The following FAM168A variants were observed in gnomAD, a reference collection of about 807,000 sequenced individuals.
FAM168A encodes the protein protein FAM168A.
In FAM168A, 3 loss-of-function variants were observed where a neutral mutation model predicts 28.5. The observed-to-expected ratio is 0.11, with a 90% CI of 0.05 to 0.27. The LOEUF (loss-of-function observed/expected upper bound fraction) is 0.27. FAM168A is among the 10% of genes least tolerant of loss of function. The pLI, the probability that FAM168A is intolerant of heterozygous loss-of-function variation, is 1.00. For synonymous variants in FAM168A, 122 were observed against 124.2 expected, an observed-to-expected ratio of 0.98 and a Z score of 0.12; for missense variants, 222 against 311.5, an observed-to-expected ratio of 0.71 and a Z score of 2.16.
chr11:73,484,733 G>A (rs963727777), intron 1 of FAM168A, among the ~76,000 whole-genome samples: 8 of 141,044 alleles, frequency 5.7e-5, no homozygotes, highest in Non-Finnish European at 1.2e-4. Context: ...GATATATATC[G>A]ATATATAGAT....
rs146697843 is a variant in FAM168A at position 73,421,403 on chromosome 11, G to A, written c.152-1404C>T. On this transcript the variant is annotated intron_variant, in intron 3 of 7. Coordinates refer to ENST00000356467, the MANE Select transcript of FAM168A (RefSeq NM_015159.3). ...AGGCTGACTCTGCATTTGCATTAAT[G>A]GCCAGCAATATATACAGCAGATGCT... Among the ~76,000 whole-genome samples the A allele has an allele frequency of 6.9e-3, 1,055 of 152,294 alleles. 11 individuals carry two copies. Among genetic ancestry groups the A allele is most frequent in the African/African-American group, 0.022 (923 of 41,548 alleles).
Position 73,409,503 on chromosome 11 carries a change from G to C in FAM168A, c.579C>G (p.Thr193=), listed in dbSNP as rs746033767. The C allele has an allele frequency of 6.2e-7, 1 of 1,613,750 alleles. No individual in the cohort carries two copies. Among genetic ancestry groups the C allele is most frequent in the African/African-American group, 1.3e-5 (1 of 74,930 alleles). The change falls in exon 6 of 8, where the codon ACC becomes ACG. Residue 193 remains threonine (T), a synonymous_variant. Coordinates refer to ENST00000356467, the MANE Select transcript of FAM168A (RefSeq NM_015159.3). ...TGCCCTCACCTGCTGACATTGCCAT[G>C]GTGGTGCCTGCCACCATGCCCATGG... is the stretch of plus-strand genomic sequence containing the variant. ...GVAMGMVAGT[T]MAMSAGTLLT... is the part of the protein sequence containing the mutation.
intron 2 of FAM168A, among the ~76,000 whole-genome samples, chr11:73,458,587 A>G (rs61528734): frequency 0.039 from 5,971 of 152,218 alleles, 402 homozygotes; most frequent in African/African-American, 0.14. Context: ...CATCTGTAAA[A>G]TAAGTGTTCT....
At chr11:73,410,653 A>G (rs1866592199) in intron 5 of FAM168A, 1 of 152,178 alleles carries the variant, frequency 6.6e-6, no homozygotes, top group Non-Finnish European at 1.5e-5. Context: ...TTTCTACTAA[A>G]TGAGATTAAA....
In FAM168A at chr11:73,401,850, C is replaced by G. The variant is rs1866417547; in HGVS notation, c.*4913G>C. The G allele has an allele frequency of 6.6e-6, 1 of 152,124 alleles. No individual in the cohort carries two copies. The highest frequency in any genetic ancestry group is 1.5e-5 in the Non-Finnish European group (1 of 68,052). 9.4% of individuals were successfully genotyped at this position (152,124 alleles called of 1,614,324 possible). ...GACTGGGACCCAAGTCTGGCTTAGG[C>G]AGGGCTGGCCATGGAATGTTGAAGC... On this transcript the variant is annotated 3_prime_UTR_variant, in exon 8 of 8. Coordinates refer to ENST00000356467, the MANE Select transcript of FAM168A (RefSeq NM_015159.3).
At chr11:73,462,904 A>AGAGAG (rs1444893702) in intron 2 of FAM168A, among the ~76,000 whole-genome samples, 2 of 143,004 alleles carry the variant, frequency 1.4e-5, no homozygotes, top group African/African-American at 2.5e-5. Flanking sequence ...AGAGAAGAGA[A>AGAGAG]GAGAGGAGAG....
chr11:73,501,839 A>C (rs1348201270), intron 1 of FAM168A, among the ~76,000 whole-genome samples: 3 of 152,094 alleles, frequency 2.0e-5, no homozygotes, highest in Middle Eastern at 3.2e-3. Context: ...CGGTGGCTCA[A>C]GCCTGTAATC....
At chr11:73,424,370 A>T (rs923752167) in intron 3 of FAM168A, among the ~76,000 whole-genome samples, 3 of 152,190 alleles carry the variant, frequency 2.0e-5, no homozygotes, top group Non-Finnish European at 4.4e-5. Context: ...CTATGACAAA[A>T]AGGACCTAGT....
intron 1 of FAM168A, among the ~76,000 whole-genome samples, chr11:73,512,703 T>C (rs577103996): frequency 1.3e-5 from 2 of 152,246 alleles, no homozygotes; most frequent in East Asian, 1.9e-4. Context: ...CACTATTCTA[T>C]ACTGCACTAT....
At chr11:73,442,339 G>A (rs1041080712) in intron 2 of FAM168A, among the ~76,000 whole-genome samples, 1 of 151,884 alleles carries the variant, frequency 6.6e-6, no homozygotes, top group Non-Finnish European at 1.5e-5. Context: ...TGTTAGCCAG[G>A]ATGGTCTCGA....
intron 3 of FAM168A, among the ~76,000 whole-genome samples, chr11:73,422,152 G>A (rs1866804508): frequency 6.6e-6 from 1 of 152,126 alleles, no homozygotes; most frequent in Non-Finnish European, 1.5e-5. Flanking sequence ...ATGCAACACA[G>A]CCACACGCCA....
chr11:73,435,108 C>G (rs765657087), intron 2 of FAM168A, among the ~76,000 whole-genome samples: 4 of 152,214 alleles, frequency 2.6e-5, no homozygotes, highest in African/African-American at 9.7e-5. Flanking sequence ...TTTGTAAATA[C>G]TGGAGCTTTA....
chr11:73,511,959 T>A (rs1855235269), intron 1 of FAM168A, among the ~76,000 whole-genome samples: 1 of 152,200 alleles, frequency 6.6e-6, no homozygotes, highest in South Asian at 2.1e-4. Context: ...TATCTATTAG[T>A]ATCTTTACAT....
rs1303269867 is a variant in FAM168A at position 73,571,401 on chromosome 11, A to G, written c.-19+26522T>C. Among the ~76,000 whole-genome samples the G allele has an allele frequency of 1.6e-4, 24 of 151,888 alleles. No individual in the cohort carries two copies. In the East Asian group the frequency reaches 4.5e-3, roughly 28 times the overall value. On this transcript the variant is annotated intron_variant, in intron 1 of 7. Transcript: ENST00000356467. ...CCTGCGATTGCAGGCGCGCGCCGCC[A>G]TGCCTGACTGGTTTTCGTATTTTTT...
chr11:73,438,102 CA>C (rs764807833), intron 2 of FAM168A, among the ~76,000 whole-genome samples: 1 of 152,140 alleles, frequency 6.6e-6, no homozygotes, highest in Admixed American at 6.5e-5. Context: ...CAGATTTCAT[CA>C]TCATCATCAT....
At chr11:73,494,135 T>G (rs114329508) in intron 1 of FAM168A, among the ~76,000 whole-genome samples, 2,978 of 152,220 alleles carry the variant, frequency 0.02, 61 homozygotes, top group African/African-American at 0.048. Context: ...GTACAGTATG[T>G]ACATATACAT....
intron 1 of FAM168A, among the ~76,000 whole-genome samples, chr11:73,527,753 T>G (rs1023694784): frequency 7.9e-5 from 12 of 151,984 alleles, no homozygotes; most frequent in Non-Finnish European, 1.5e-4. Context: ...ACACCACCTT[T>G]CCTGTTCTAT....
intron 2 of FAM168A, among the ~76,000 whole-genome samples, chr11:73,463,353 C>G (rs1042832431): frequency 6.6e-6 from 1 of 152,050 alleles, no homozygotes; most frequent in Non-Finnish European, 1.5e-5. Flanking sequence ...GCAAGAGTAT[C>G]AAGGATGATG....
In FAM168A at chr11:73,405,972, G is replaced by C. The variant is rs1473240423; in HGVS notation, c.*791C>G. 2 of 152,606 alleles carry C rather than the reference G, an allele frequency of 1.3e-5. No individual in the cohort carries two copies. The highest frequency in any genetic ancestry group is 4.8e-5 in the African/African-American group (2 of 41,402). 9.5% of individuals were successfully genotyped at this position (152,606 alleles called of 1,614,324 possible). On this transcript the variant is annotated 3_prime_UTR_variant, in exon 8 of 8. Coordinates refer to ENST00000356467, the MANE Select transcript of FAM168A (RefSeq NM_015159.3). ...TCTAAGGACAAAATCACCTTTTGAG[G>C]AAGTGCCAGGTCAGTTAACATCACT...
Sources: gnomAD v4.1 joint callset for allele counts (sites outside exome capture counted in the v4.1 genomes callset) on GRCh38, gnomAD v4.1.1 for gene constraint, MANE v1.5 for transcripts, NCBI Gene and HGNC (gene_info 2026-07-23, HGNC 2026-07-21) for gene names.